Variants in SIK2 observed in about 807,000 individuals in gnomAD.
SIK2 encodes salt inducible kinase 2, also known as serine/threonine-protein kinase SIK2.
In SIK2, 29 loss-of-function variants were observed where a neutral mutation model predicts 103.2. The observed-to-expected ratio is 0.28, with a 90% confidence interval of 0.21 to 0.38. The LOEUF (loss-of-function observed/expected upper bound fraction) is 0.38, where lower values mean the gene tolerates loss of function less well. Ranked by LOEUF, SIK2 falls within the 10% of genes least tolerant of loss-of-function variation. SIK2 has a pLI of 1.00. For synonymous variants in SIK2, 412 were observed against 446.1 expected (o/e 0.92, Z 0.96); for missense variants, 879 against 1,171.0 (o/e 0.75, Z 3.64).
At position 111,725,892 on chromosome 11, in the gene SIK2, T is replaced by C. The variant is rs1034543117; in HGVS notation, c.*1763T>C. 3 of 152,290 alleles carry C rather than the reference T, an allele frequency of 2.0e-5. No individual in the cohort carries two copies. The highest frequency in any genetic ancestry group is 4.8e-5 in the African/African-American group (2 of 41,436). The allele number at this position is 152,290 out of a possible 1,614,324, so 9.4% of individuals were successfully genotyped here. The stretch of plus-strand genomic sequence containing the variant: ...GCACTGTGCTCACGGTTGGACTTGG[T>C]GTCAGTGGGAAAGGGCAGTGTGGGG... On this transcript the variant is annotated 3_prime_UTR_variant, in exon 15 of 15. Coordinates refer to ENST00000304987, the MANE Select transcript of SIK2 (RefSeq NM_015191.3).
chr11:111,704,108 G>C (rs1028142209), intron 7 of SIK2, among the ~76,000 whole-genome samples: 1 of 152,198 alleles, frequency 6.6e-6, no homozygotes, highest in Non-Finnish European at 1.5e-5. Flanking sequence ...GCTCCGGGCT[G>C]TGCTGCCTTT....
intron 9 of SIK2, among the ~76,000 whole-genome samples, chr11:111,715,802 T>C (rs923769791): frequency 7.1e-6 from 1 of 140,944 alleles, no homozygotes; most frequent in Non-Finnish European, 1.5e-5. Flanking sequence ...GCTTTTTTTT[T>C]TTTTTTTTTT....
intron 3 of SIK2, among the ~76,000 whole-genome samples, chr11:111,643,987 AAAAG>A (rs772186750): frequency 1.2e-4 from 18 of 151,870 alleles, no homozygotes; most frequent in Admixed American, 4.6e-4. Flanking sequence ...TATCTCAAAA[AAAAG>A]AAAGAAAGAA....
At chr11:111,620,077 C>T (rs1175135733) in intron 2 of SIK2, among the ~76,000 whole-genome samples, 1 of 152,150 alleles carries the variant, frequency 6.6e-6, no homozygotes, top group Non-Finnish European at 1.5e-5. Context: ...GGGATGGGGC[C>T]TGGAATTCTG....
chr11:111,618,267 G>A (rs1245059263), intron 2 of SIK2, among the ~76,000 whole-genome samples: 4 of 152,094 alleles, frequency 2.6e-5, no homozygotes, highest in South Asian at 2.1e-4. Flanking sequence ...ATGGGGAGCC[G>A]CTGTAAATAC....
At chr11:111,624,444 A>G (rs1415109192) in intron 3 of SIK2, among the ~76,000 whole-genome samples, 1 of 152,224 alleles carries the variant, frequency 6.6e-6, no homozygotes, top group African/African-American at 2.4e-5. Flanking sequence ...GCTATACCAT[A>G]TTAATTGTTA....
In SIK2 at chr11:111,730,435, T is replaced by C. The variant is rs754318250; in HGVS notation, c.*6306T>C. The C allele has an allele frequency of 6.6e-6, 1 of 152,170 alleles. No homozygotes were observed. Among genetic ancestry groups the C allele is most frequent in the Non-Finnish European group, 1.5e-5 (1 of 68,040 alleles). The allele number at this position is 152,170 out of a possible 1,614,324, so 9.4% of individuals were successfully genotyped here. A position where few individuals can be genotyped will look rare whatever the true frequency, so the allele number is the denominator to read the frequency against. On this transcript the variant is annotated 3_prime_UTR_variant, in exon 15 of 15. Coordinates refer to ENST00000304987, the MANE Select transcript of SIK2 (RefSeq NM_015191.3). ...GTTTGCTTCACTTCGGGGACTGCAG[T>C]TTGAGAAATAAAAGGGATACAGAGA...
chr11:111,675,972 A>C (rs1323996055), intron 3 of SIK2, among the ~76,000 whole-genome samples: 1 of 151,928 alleles, frequency 6.6e-6, no homozygotes, highest in Non-Finnish European at 1.5e-5. Flanking sequence ...ACTCAATGTT[A>C]CTCAGTGTTT....
rs369086450 is a variant in SIK2 at position 111,705,150 on chromosome 11, C to G, written c.1101+11C>G. On this transcript the variant is annotated intron_variant, in intron 8 of 14. Transcript: ENST00000304987. This position sits in a 1 kb window ranked among gnomAD's most constrained non-coding sequence, Gnocchi z 4.3. ...CAAACAGTTGCCAAGGTAATGCCCC[C>G]TTAGCTGAGAGTCTTATCTGTGCAT... 1.6e-5 allele frequency: 25 copies of G among 1,550,524 alleles called. No homozygotes were observed. Among genetic ancestry groups the G allele is most frequent in the Non-Finnish European group, 2.1e-5 (24 of 1,159,232 alleles).
intron 3 of SIK2, among the ~76,000 whole-genome samples, chr11:111,685,927 A>T (rs917039741): frequency 6.6e-6 from 1 of 152,180 alleles, no homozygotes; most frequent in Non-Finnish European, 1.5e-5. Context: ...TTAATATAAT[A>T]AAAAAATTAT....
chr11:111,697,276 T>C (rs1943098110), intron 4 of SIK2, among the ~76,000 whole-genome samples: 1 of 152,192 alleles, frequency 6.6e-6, no homozygotes, highest in Non-Finnish European at 1.5e-5. Flanking sequence ...TCCTGTCACA[T>C]AGTAAAGCAC....
intron 7 of SIK2, 43 bp downstream of exon 7, chr11:111,703,466 C>T: frequency 1.3e-6 from 2 of 1,572,530 alleles, no homozygotes; most frequent in Non-Finnish European, 1.7e-6. Context: ...CACTTAGCTA[C>T]TTGAAATTTC....
At chr11:111,690,605 C>G (rs887807648) in intron 4 of SIK2, among the ~76,000 whole-genome samples, 1 of 148,282 alleles carries the variant, frequency 6.7e-6, no homozygotes, top group East Asian at 2.0e-4. Flanking sequence ...GGCTCTCCCT[C>G]CCCGCCTCCC....
intron 1 of SIK2, among the ~76,000 whole-genome samples, chr11:111,609,708 T>C (rs925847262): frequency 6.6e-6 from 1 of 152,224 alleles, no homozygotes; most frequent in African/African-American, 2.4e-5. Context: ...TTTTATTTAT[T>C]CTGAGAGGGT....
intron 8 of SIK2, among the ~76,000 whole-genome samples, chr11:111,707,368 A>G (rs1215188107): frequency 1.3e-5 from 2 of 152,242 alleles, no homozygotes; most frequent in Non-Finnish European, 2.9e-5. Context: ...ATCTCAAATT[A>G]TATTTAATTT....
At position 111,719,940 on chromosome 11, in the gene SIK2, A is replaced by G. The variant is rs765783353; in HGVS notation, c.1432A>G (p.Ser478Gly). 1 of 1,614,166 alleles carries G rather than the reference A, an allele frequency of 6.2e-7. No individual in the cohort carries two copies. Residue 478 changes from serine to glycine, a missense_variant, in exon 10 of 15, where the codon AGC becomes GGC. Transcript: ENST00000304987. Reference protein sequence around the residue: ...HAFEAFQSTRSGQRRHTLSEV... With the variant: ...HAFEAFQSTRGGQRRHTLSEV... Reference sequence around the variant, plus strand: ...CTTTGAGGCATTTCAGTCCACACGCAGCGGGCAGAGACGGCACACTCTGTC... The same window carrying G: ...CTTTGAGGCATTTCAGTCCACACGCGGCGGGCAGAGACGGCACACTCTGTC...
intron 7 of SIK2, 27 bp downstream of exon 7, chr11:111,703,450 C>G: frequency 6.2e-7 from 1 of 1,600,678 alleles, no homozygotes; most frequent in Non-Finnish European, 8.5e-7. Context: ...TTTCGGGGTT[C>G]TACTGCACTT....
chr11:111,672,846 A>G (rs1372195194), intron 3 of SIK2, among the ~76,000 whole-genome samples: 1 of 152,222 alleles, frequency 6.6e-6, no homozygotes, highest in African/African-American at 2.4e-5. Flanking sequence ...TCTTGATTGG[A>G]CCACTATTCG....
intron 4 of SIK2, among the ~76,000 whole-genome samples, chr11:111,692,041 C>T (rs923611346): frequency 1.5e-4 from 23 of 151,636 alleles, no homozygotes; most frequent in Middle Eastern, 3.2e-3. Flanking sequence ...GATTGGGGAT[C>T]GGGGAGACAG....
Sources: allele counts gnomAD v4.1 joint callset (sites outside exome capture counted in the v4.1 genomes callset), GRCh38; gene constraint gnomAD v4.1.1; non-coding constraint Gnocchi (gnomAD v3.1); transcripts MANE v1.5; gene names NCBI Gene and HGNC (gene_info 2026-07-23, HGNC 2026-07-21).